Variants in EFHD1 observed in about 807,000 individuals in gnomAD.
EFHD1 encodes the protein EF-hand domain family member D1.
In EFHD1, 10 loss-of-function variants were observed where a neutral mutation model predicts 17.2. That is an observed-to-expected ratio of 0.58 (90% CI 0.36 to 0.99). The LOEUF (loss-of-function observed/expected upper bound fraction) is 0.99. EFHD1 is among the 50% of genes least tolerant of loss of function. The pLI, the probability that EFHD1 is intolerant of heterozygous loss-of-function variation, is 0.01. For synonymous variants in EFHD1, 153 were observed against 142.0 expected (o/e 1.08, Z -0.55); for missense variants, 310 against 327.5 (o/e 0.95, Z 0.41).
chr2:232,674,872 G>A (rs1213721565), intron 3 of EFHD1, among the ~76,000 whole-genome samples: 2 of 152,070 alleles, frequency 1.3e-5, no homozygotes, highest in African/African-American at 4.8e-5. Context: ...AGGGTGAGAC[G>A]TGTTTGGAGG....
chr2:232,659,963 T>G (rs1694827240), intron 1 of EFHD1, among the ~76,000 whole-genome samples: 2 of 151,994 alleles, frequency 1.3e-5, no homozygotes, highest in South Asian at 4.2e-4. Flanking sequence ...TTGCAAGAAC[T>G]CACTCACTAT....
chr2:232,664,315 T>A (rs950905669), intron 2 of EFHD1, among the ~76,000 whole-genome samples: 14 of 149,040 alleles, frequency 9.4e-5, no homozygotes, highest in Non-Finnish European at 1.3e-4. Context: ...ATTGAAAAAA[T>A]TTTTTTGTAG....
intron 3 of EFHD1, among the ~76,000 whole-genome samples, chr2:232,676,040 G>A (rs1695165165): frequency 6.6e-6 from 1 of 152,116 alleles, no homozygotes; most frequent in Non-Finnish European, 1.5e-5. Context: ...GCCGGGCATG[G>A]TGGCATGCGC....
chr2:232,677,243 T>TACACACACACACACACACACACACAC lies in EFHD1; in HGVS notation c.586-4331_586-4330insCACACACACACACACACACACACACA, dbSNP rs569120803. Among the ~76,000 whole-genome samples the TACACACACACACACACACACACACAC allele has an allele frequency of 9.5e-4, 94 of 99,270 alleles. 1 individual carries two copies. Among genetic ancestry groups the TACACACACACACACACACACACACAC allele is most frequent in the East Asian group, 7.9e-3 (27 of 3,430 alleles). 65.1% of individuals were successfully genotyped at this position (99,270 alleles called of 152,430 possible). A position where few individuals can be genotyped will look rare whatever the true frequency, so the allele number is the denominator to read the frequency against. Reference sequence around the variant, plus strand: ...ACACACACACACACACACACACACGTACACACACACATCTTTCTATAACAC... The same window carrying TACACACACACACACACACACACACAC: ...ACACACACACACACACACACACACGTACACACACACACACACACACACACACACACACACACATCTTTCTATAACAC... On this transcript the variant is annotated intron_variant, in intron 3 of 3. Transcript: ENST00000264059.
intron 1 of EFHD1, among the ~76,000 whole-genome samples, chr2:232,653,566 G>A (rs1215588331): frequency 2.0e-5 from 3 of 152,012 alleles, no homozygotes; most frequent in African/African-American, 4.8e-5. Context: ...CTGGGATTAC[G>A]GGCATGAGCC....
At chr2:232,679,019 G>A (rs138736577) in intron 3 of EFHD1, among the ~76,000 whole-genome samples, 4 of 152,154 alleles carry the variant, frequency 2.6e-5, no homozygotes, top group Non-Finnish European at 4.4e-5. Flanking sequence ...TGTGAAGTGC[G>A]CCTTCCTCCA....
intron 1 of EFHD1, among the ~76,000 whole-genome samples, chr2:232,640,441 T>C (rs947676698): frequency 1.3e-5 from 2 of 152,148 alleles, no homozygotes; most frequent in African/African-American, 4.8e-5. Flanking sequence ...TAGTGTGTGC[T>C]CCTGTGGTAC....
chr2:232,615,334 T>A lies in EFHD1; in HGVS notation c.14+9161T>A, dbSNP rs549324867. ...TATAGTGTGTGTGTGTGTGTGTGTG[T>A]GTGTGTGTGTGTGTGTGTATTTACA... On this transcript the variant is annotated intron_variant, in intron 1 of 3. Transcript: ENST00000409613. Among the ~76,000 whole-genome samples the A allele has an allele frequency of 1.4e-3, 214 of 149,418 alleles. 1 individual carries two copies. The highest frequency in any genetic ancestry group is 2.4e-3 in the Non-Finnish European group (160 of 67,642).
chr2:232,647,865 G>A (rs1283475218), intron 1 of EFHD1, among the ~76,000 whole-genome samples: 1 of 152,020 alleles, frequency 6.6e-6, no homozygotes, highest in Non-Finnish European at 1.5e-5. Context: ...TCAAACTCCT[G>A]ACCTCAGGTG....
intron 1 of EFHD1, among the ~76,000 whole-genome samples, chr2:232,627,807 T>C (rs1264133618): frequency 6.6e-6 from 1 of 152,176 alleles, no homozygotes; most frequent in African/African-American, 2.4e-5. Flanking sequence ...ATTATTATAT[T>C]ATTTTTAAAC....
chr2:232,680,133 C>A (rs935421724), intron 3 of EFHD1, among the ~76,000 whole-genome samples: 12 of 151,872 alleles, frequency 7.9e-5, no homozygotes, highest in Non-Finnish European at 8.8e-5. Context: ...ATTAGCCAGA[C>A]GTGTGATGAC....
At chr2:232,673,817 C>T (rs897308041) in intron 3 of EFHD1, among the ~76,000 whole-genome samples, 9 of 151,822 alleles carry the variant, frequency 5.9e-5, no homozygotes, top group African/African-American at 2.2e-4. Context: ...CTCACTGCAA[C>T]TTTGACCCAA....
upstream of EFHD1, among the ~76,000 whole-genome samples, chr2:232,633,017 C>T (rs1332213685): frequency 6.6e-6 from 1 of 152,246 alleles, no homozygotes; most frequent in Non-Finnish European, 1.5e-5. Flanking sequence ...TTTTTCTGCT[C>T]GTTTGCTCTC....
intron 1 of EFHD1, among the ~76,000 whole-genome samples, chr2:232,613,906 A>C (rs1432085371): frequency 6.6e-6 from 1 of 151,922 alleles, no homozygotes; most frequent in East Asian, 1.9e-4. Context: ...ACACATACAA[A>C]TATACACACA....
At chr2:232,619,171 A>AT (rs1439159452) in intron 1 of EFHD1, among the ~76,000 whole-genome samples, 1 of 129,654 alleles carries the variant, frequency 7.7e-6, no homozygotes, top group Non-Finnish European at 1.7e-5. Context: ...AAATAAATAA[A>AT]TAAATAAATA....
chr2:232,657,058 G>T (rs549360709), intron 1 of EFHD1, among the ~76,000 whole-genome samples: 1 of 152,224 alleles, frequency 6.6e-6, no homozygotes, highest in Non-Finnish European at 1.5e-5. Flanking sequence ...GGGATAACAG[G>T]CAAGCCTGAC....
upstream of EFHD1, chr2:232,633,471 C>T: frequency 3.2e-6 from 4 of 1,241,532 alleles, no homozygotes; most frequent in Non-Finnish European, 4.0e-6. Context: ...ACCCAGACAC[C>T]GGCGGCCTCC....
chr2:232,668,993 G>T (rs1285401420), intron 2 of EFHD1, among the ~76,000 whole-genome samples: 1 of 152,176 alleles, frequency 6.6e-6, no homozygotes. Flanking sequence ...GCCTGGTGGG[G>T]CTGCCTGTTC....
At chr2:232,612,286 A>C (rs1317779813) in intron 1 of EFHD1, among the ~76,000 whole-genome samples, 1 of 152,184 alleles carries the variant, frequency 6.6e-6, no homozygotes, top group African/African-American at 2.4e-5. Flanking sequence ...AAAAGCAAGC[A>C]TGGGCTTCAA....
Sources: gnomAD v4.1 joint callset for allele counts (sites outside exome capture counted in the v4.1 genomes callset) on GRCh38, gnomAD v4.1.1 for gene constraint, MANE v1.5 for transcripts, NCBI Gene and HGNC (gene_info 2026-07-23, HGNC 2026-07-21) for gene names.